MAOA: variants seen among roughly 807,000 people sequenced by gnomAD.
MAOA encodes amine oxidase [flavin-containing] A.
MAOA carries 6 observed loss-of-function variants against 42.0 expected under a neutral mutation model. The ratio of observed to expected loss-of-function variants is 0.14; its 90% CI spans 0.08 to 0.28. The LOEUF (loss-of-function observed/expected upper bound fraction) is 0.28, where lower values mean the gene tolerates loss of function less well. Among genes scored for constraint, MAOA ranks in the 10% least tolerant of loss-of-function variants. The probability of loss-of-function intolerance (pLI) is 1.00; values close to 1 mark genes in which losing one functional copy is unlikely to be tolerated. For missense variants in MAOA, 262 were observed against 422.3 expected (o/e 0.62, Z 3.33); for synonymous variants, 140 against 154.0 (o/e 0.91, Z 0.67).
chrX:43,737,957 A>G (rs2033932642), intron 10 of MAOA, among the ~76,000 whole-genome samples: 2 of 112,196 alleles, frequency 1.8e-5, no homozygotes, highest in South Asian at 3.7e-4. Flanking sequence ...GAACTTCTCA[A>G]AAGTTCTTGT....
intron 1 of MAOA, among the ~76,000 whole-genome samples, chrX:43,673,586 G>C (rs1165751086): frequency 5.5e-5 from 6 of 109,031 alleles, no homozygotes; most frequent in Admixed American, 4.9e-4. Context: ...GGCATTTAGT[G>C]CTATAAATTT....
At chrX:43,687,489 A>G (rs1249321338) in intron 2 of MAOA, among the ~76,000 whole-genome samples, 1 of 112,057 alleles carries the variant, frequency 8.9e-6, no homozygotes, top group African/African-American at 3.2e-5. Context: ...AAAGGTTTGA[A>G]GGACAGCACT....
chrX:43,727,428 A>C (rs2033847358), intron 5 of MAOA, among the ~76,000 whole-genome samples: 1 of 112,065 alleles, frequency 8.9e-6, no homozygotes, highest in Non-Finnish European at 1.9e-5. Flanking sequence ...GGGTCCGCCC[A>C]GTTCGAACTT....
rs780332015 is a variant in MAOA, at chrX:43,673,310, T to C, written c.74-10203T>C. ...ATCCCCTTTATCATCTTTTATTGCA[T>C]CTATTTGATTCTTCTCTCTTTTTTT... is the stretch of plus-strand genomic sequence containing the variant. On this transcript the variant is annotated intron_variant, in intron 1 of 14. Transcript: ENST00000338702. 9.8e-3 allele frequency among the ~76,000 whole-genome samples: 1,090 copies of C among 111,233 alleles called. 19 individuals carry two copies. The highest frequency in any genetic ancestry group is 0.034 in the African/African-American group (1,054 of 30,584).
At chrX:43,655,502 G>T (rs2033170838), upstream of MAOA, 1 of 111,297 alleles carries the variant, frequency 9.0e-6, no homozygotes. Flanking sequence ...CGAGCAGTCG[G>T]ATCCCCAAGT....
At chrX:43,673,276 A>G (rs750953412) in intron 1 of MAOA, among the ~76,000 whole-genome samples, 1 of 111,316 alleles carries the variant, frequency 9.0e-6, no homozygotes, top group Non-Finnish European at 1.9e-5. Flanking sequence ...CTGTGGGATC[A>G]GTGGTGATAT....
At chrX:43,696,686 C>T (rs1323855542) in intron 3 of MAOA, among the ~76,000 whole-genome samples, 2 of 105,907 alleles carry the variant, frequency 1.9e-5, no homozygotes, top group East Asian at 3.0e-4. Flanking sequence ...CAGCGAGCCA[C>T]GATTGCGCCA....
rs919738995 is a variant in MAOA at position 43,701,914 on chromosome X, C to T, written c.306+8486C>T. 5.4e-5 allele frequency among the ~76,000 whole-genome samples: 6 copies of T among 111,985 alleles called. No individual in the cohort carries two copies. The Admixed American group carries it at 5.7e-4, about 11-fold the overall frequency. On this transcript the variant is annotated intron_variant, in intron 3 of 14. Transcript: ENST00000338702. ...TCTCCTCCTTCTTCCTTGCTTTCTA[C>T]TTCCTTCCTATTTCTTCTCAGCAAC...
intron 1 of MAOA, among the ~76,000 whole-genome samples, chrX:43,663,585 A>G (rs1464510940): frequency 5.4e-5 from 6 of 111,505 alleles, no homozygotes. Context: ...GACTTCCAGG[A>G]CAGTGCTCTT....
chrX:43,714,234 G>A (rs1471836719), intron 5 of MAOA, among the ~76,000 whole-genome samples: 2 of 110,871 alleles, frequency 1.8e-5, no homozygotes, highest in East Asian at 2.9e-4. Context: ...GAAACAAGGC[G>A]AGATGGGGAC....
chrX:43,674,669 T>G (rs1420941912), intron 1 of MAOA, among the ~76,000 whole-genome samples: 1 of 111,187 alleles, frequency 9.0e-6, no homozygotes. Flanking sequence ...CAGCATTTGA[T>G]TGTTTGTAAA....
At chrX:43,732,657 G>A (rs753419525) in intron 8 of MAOA, 42 bp from the exon 9 acceptor site, 41 of 898,910 alleles carry the variant, frequency 4.6e-5, no homozygotes, top group Non-Finnish European at 6.5e-5. Context: ...TGTCTCTGAT[G>A]AGCTTGATCT....
chrX:43,731,318 C>A lies in MAOA; in HGVS notation c.723C>A (p.Asn241Lys). 1 of 1,208,574 alleles carries A rather than the reference C, an allele frequency of 8.3e-7. No homozygotes were observed. ...MDLLGDQVKL[N>K]HPVTHVDQSS... ...TCCTCGGAGACCAAGTGAAGCTGAA[C>A]CATCCTGTCACTCACGTTGACCAGT... The change falls in exon 7 of 15, where the codon AAC becomes AAA. Residue 241 changes from asparagine (N) to lysine (K), a missense_variant. Asn to Lys is a moderately conservative substitution (Grantham distance 94, BLOSUM62 0). Coordinates refer to ENST00000338702, the MANE Select transcript of MAOA (RefSeq NM_000240.4).
At chrX:43,716,031 G>A (rs1175394402) in intron 5 of MAOA, among the ~76,000 whole-genome samples, 1 of 110,949 alleles carries the variant, frequency 9.0e-6, no homozygotes, top group African/African-American at 3.3e-5. Flanking sequence ...ACAGGGGCAA[G>A]GGGGTGACCT....
intron 8 of MAOA, among the ~76,000 whole-genome samples, chrX:43,732,433 G>A (rs1436520814): frequency 3.6e-5 from 4 of 110,678 alleles, no homozygotes; most frequent in African/African-American, 1.3e-4. Flanking sequence ...TAGGAGCCAG[G>A]GTTATCTTAC....
intron 2 of MAOA, among the ~76,000 whole-genome samples, chrX:43,685,326 C>G (rs1325684492): frequency 8.9e-6 from 1 of 111,777 alleles, no homozygotes; most frequent in Non-Finnish European, 1.9e-5. Context: ...TTTCCTTCGC[C>G]AAAAGACCCC....
chrX:43,655,205 C>T (rs1164087128), upstream of MAOA: 2 of 115,469 alleles, frequency 1.7e-5, no homozygotes, highest in Non-Finnish European at 3.6e-5. Flanking sequence ...GCACCGGCAC[C>T]GAGCGCAAGG....
intron 12 of MAOA, 131 bp downstream of exon 12, chrX:43,742,178 A>G: frequency 9.5e-7 from 1 of 1,056,569 alleles, no homozygotes; most frequent in East Asian, 3.3e-5. Context: ...ATACTTGTAT[A>G]TTTCTGGATG....
chrX:43,744,549 A>G lies in MAOA; in HGVS notation c.*36A>G, dbSNP rs369874371. 27 of 1,191,854 alleles carry G rather than the reference A, an allele frequency of 2.3e-5. No individual in the cohort carries two copies. The African/African-American group carries it at 3.9e-4, about 17-fold the overall frequency. ...TTATGCTCTCTGCTCACTGGTTTTC[A>G]ATACCACCAAGAGGAAAATATTGAC... On this transcript the variant is annotated 3_prime_UTR_variant, in exon 15 of 15. Transcript: ENST00000338702.
Sources: allele counts gnomAD v4.1 joint callset (sites outside exome capture counted in the v4.1 genomes callset), GRCh38; gene constraint gnomAD v4.1.1; transcripts MANE v1.5; gene names NCBI Gene and HGNC (gene_info 2026-07-23, HGNC 2026-07-21).